The following RYR2 variants were observed in gnomAD, a reference collection of about 807,000 sequenced individuals.
RYR2 encodes the protein cardiac muscle ryanodine receptor-calcium release channel.
RYR2 carries 227 observed loss-of-function variants against 601.1 expected under a neutral mutation model. That is an observed-to-expected ratio of 0.38 (90% CI 0.34 to 0.42). The LOEUF is 0.42. Ranked by LOEUF, RYR2 falls within the 10% of genes least tolerant of loss-of-function variation. RYR2 has a pLI of 1.00. For synonymous variants in RYR2, 2,223 were observed against 2,175.1 expected (o/e 1.02, Z -0.61); for missense variants, 4,646 against 6,156.5 (o/e 0.75, Z 8.21).
At chr1:237,275,119 C>T (rs564057934) in intron 2 of RYR2, among the ~76,000 whole-genome samples, 1 of 151,300 alleles carries the variant, frequency 6.6e-6, no homozygotes, top group Admixed American at 6.6e-5. Flanking sequence ...CACATACACA[C>T]CGCACACATA....
rs190150612 is a variant in RYR2, at chr1:237,502,275, G to C, written c.2397-1014G>C. Among the ~76,000 whole-genome samples, 370 of 152,320 alleles carry C rather than the reference G, an allele frequency of 2.4e-3. 1 individual carries two copies. Among genetic ancestry groups the C allele is most frequent in the Middle Eastern group, 6.8e-3 (2 of 294 alleles). ...AAAAAGTGTTTTTCAATGGAACTCA[G>C]ATTAAAATAGTTTTGCTTAAATGAG... On this transcript the variant is annotated intron_variant, in intron 21 of 104. Coordinates refer to ENST00000366574, the MANE Select transcript of RYR2 (RefSeq NM_001035.3).
At chr1:237,705,117 T>A in intron 66 of RYR2, 96 bp from the exon 67 acceptor site, 1 of 1,072,268 alleles carries the variant, frequency 9.3e-7, no homozygotes, top group Non-Finnish European at 1.4e-6. Flanking sequence ...AGGACCAATA[T>A]TATCATTCCT....
intron 2 of RYR2, among the ~76,000 whole-genome samples, chr1:237,285,550 G>A (rs531334599): frequency 3.9e-5 from 6 of 152,216 alleles, no homozygotes; most frequent in Non-Finnish European, 7.4e-5. Context: ...GAATGAATTA[G>A]GGAGGGTTCC....
chr1:237,666,624 A>G, intron 57 of RYR2, 35 bp downstream of exon 57: 1 of 1,536,524 alleles, frequency 6.5e-7, no homozygotes, highest in Non-Finnish European at 8.9e-7. Flanking sequence ...TAGTCTCCAA[A>G]TTTAATTTTT....
Position 237,456,613 on chromosome 1 carries a change from T to C in RYR2, c.1490T>C (p.Leu497Pro). 6.4e-7 allele frequency: 1 copy of C among 1,552,288 alleles called. No homozygotes were observed. The highest frequency in any genetic ancestry group is 8.7e-7 in the Non-Finnish European group (1 of 1,143,876). The change falls in exon 16 of 105, where the codon CTC (leucine) becomes CCC (proline). Residue 497 changes from leucine to proline, a missense_variant. Leu to Pro is a moderately conservative substitution (Grantham distance 98). Transcript: ENST00000366574. ...NLFQEEGMIN[L>P]VLECIDRLHV... Reference sequence around the variant, plus strand: ...TTAACGTTCCAGGGAATGATCAACCTCGTGCTTGAGTGCATAGACCGTTTG... The same window carrying C: ...TTAACGTTCCAGGGAATGATCAACCCCGTGCTTGAGTGCATAGACCGTTTG...
At chr1:237,107,454 A>G (rs1668842207) in intron 1 of RYR2, among the ~76,000 whole-genome samples, 1 of 132,506 alleles carries the variant, frequency 7.5e-6, no homozygotes, top group Non-Finnish European at 1.6e-5. Context: ...CCAGAGGTGG[A>G]GTTTGCAGTG....
intron 27 of RYR2, among the ~76,000 whole-genome samples, chr1:237,553,860 A>G (rs1293342641): frequency 1.3e-5 from 2 of 151,940 alleles, no homozygotes; most frequent in East Asian, 1.9e-4. Flanking sequence ...ATATTTACAT[A>G]TTGATCTTAT....
chr1:237,648,684 A>G, intron 49 of RYR2, 71 bp downstream of exon 49: 4 of 1,440,922 alleles, frequency 2.8e-6, no homozygotes, highest in Non-Finnish European at 9.3e-7. Flanking sequence ...TCTTTTTTAT[A>G]TATCCATTCA....
intron 40 of RYR2, among the ~76,000 whole-genome samples, chr1:237,626,705 C>A (rs550728227): frequency 2.4e-4 from 34 of 143,842 alleles, no homozygotes; most frequent in Non-Finnish European, 4.5e-4. Flanking sequence ...TCCTGAGTAG[C>A]TGGAATTACA....
intron 100 of RYR2, among the ~76,000 whole-genome samples, chr1:237,818,328 A>T (rs1662065435): frequency 6.6e-6 from 1 of 152,108 alleles, no homozygotes; most frequent in Admixed American, 6.6e-5. Context: ...AGTGCACAGG[A>T]TAGCCCCTGC....
chr1:237,616,006 G>T (rs534977844), intron 37 of RYR2, among the ~76,000 whole-genome samples: 15 of 126,264 alleles, frequency 1.2e-4, no homozygotes, highest in Non-Finnish European at 1.9e-4. Context: ...GAAAAGGCCA[G>T]TGTGGCTGCT....
chr1:237,395,678 C>G (rs1051703536), intron 10 of RYR2, among the ~76,000 whole-genome samples: 1 of 151,694 alleles, frequency 6.6e-6, no homozygotes, highest in Non-Finnish European at 1.5e-5. Flanking sequence ...TCCCAAGTAG[C>G]TGGGACTACA....
At chr1:237,735,483 A>G (rs932425036) in intron 79 of RYR2, among the ~76,000 whole-genome samples, 1 of 152,166 alleles carries the variant, frequency 6.6e-6, no homozygotes, top group African/African-American at 2.4e-5. Flanking sequence ...TCATTTGTGA[A>G]GTGAGGTCTG....
intron 5 of RYR2, among the ~76,000 whole-genome samples, chr1:237,365,211 T>C (rs1467853570): frequency 6.6e-6 from 1 of 152,216 alleles, no homozygotes; most frequent in Non-Finnish European, 1.5e-5. Flanking sequence ...TAAAAGAATT[T>C]ATGATTTTGA....
At chr1:237,206,106 G>A (rs1202256359) in intron 1 of RYR2, among the ~76,000 whole-genome samples, 1 of 152,162 alleles carries the variant, frequency 6.6e-6, no homozygotes, top group Non-Finnish European at 1.5e-5. Context: ...CGGCTCACTG[G>A]GAGGCCAAGT....
intron 100 of RYR2, among the ~76,000 whole-genome samples, chr1:237,815,900 T>G (rs1348675774): frequency 6.6e-6 from 1 of 152,076 alleles, no homozygotes; most frequent in African/African-American, 2.4e-5. Flanking sequence ...GACAAACACC[T>G]CTATGGGAAG....
At chr1:237,601,928 T>C in intron 34 of RYR2, 97 bp from the exon 35 acceptor site, 2 of 931,538 alleles carry the variant, frequency 2.1e-6, no homozygotes, top group Non-Finnish European at 3.2e-6. Context: ...ATCTCTGGGC[T>C]CCTTCTGTAA....
intron 1 of RYR2, among the ~76,000 whole-genome samples, chr1:237,192,285 TG>T (rs1680050870): frequency 6.6e-6 from 1 of 152,192 alleles, no homozygotes; most frequent in South Asian, 2.1e-4. Flanking sequence ...CTTGGTTCAC[TG>T]CAACCTCCGC....
At chr1:237,329,032 A>G (rs903552880) in intron 2 of RYR2, among the ~76,000 whole-genome samples, 5 of 152,322 alleles carry the variant, frequency 3.3e-5, no homozygotes, top group Admixed American at 1.3e-4. Flanking sequence ...GAAAGCATAC[A>G]TGATTAATAA....
Sources: gnomAD v4.1 joint callset for allele counts (sites outside exome capture counted in the v4.1 genomes callset) on GRCh38, gnomAD v4.1.1 for gene constraint, MANE v1.5 for transcripts, NCBI Gene and HGNC (gene_info 2026-07-23, HGNC 2026-07-21) for gene names.